Variants in ABTB3 observed in about 807,000 individuals in gnomAD.
ABTB3 encodes ankyrin repeat- and BTB/POZ domain-containing protein 3.
chr12:107,470,014 C>CTCTCTCTCTCTCTCTCTCTTTCTT, the ABTB3 span, among the ~76,000 whole-genome samples: 7 of 65,480 alleles, frequency 1.1e-4, 1 homozygote, highest in African/African-American at 5.2e-4. Context: ...CTTTCTTTCT[C>CTCTCTCTCTCTCTCTCTCTTTCTT]TCTCTCTCTC....
the ABTB3 span, among the ~76,000 whole-genome samples, chr12:107,490,171 A>G: frequency 0.38 from 57,821 of 151,952 alleles, 13,393 homozygotes; most frequent in African/African-American, 0.66. Flanking sequence ...ATGAATGTGC[A>G]CTGGCTGTTG....
chr12:107,318,983 G>T, the ABTB3 span: 1 of 1,613,808 alleles, frequency 6.2e-7, no homozygotes. Flanking sequence ...AACGCTGGAG[G>T]ATCTGACGCT....
the ABTB3 span, among the ~76,000 whole-genome samples, chr12:107,573,476 GGATGGA>G: frequency 6.6e-6 from 1 of 151,856 alleles, no homozygotes; most frequent in Non-Finnish European, 1.5e-5. Flanking sequence ...ATGGATGGAT[GGATGGA>G]TGGATGGATG....
chr12:107,534,200 AC>A, the ABTB3 span, among the ~76,000 whole-genome samples: 1 of 142,082 alleles, frequency 7.0e-6, no homozygotes, highest in African/African-American at 2.7e-5. Flanking sequence ...ACATAGCAAT[AC>A]CCTGTCTCTT....
At chr12:107,497,081 G>C in the ABTB3 span, among the ~76,000 whole-genome samples, 1 of 152,048 alleles carries the variant, frequency 6.6e-6, no homozygotes, top group Non-Finnish European at 1.5e-5. Flanking sequence ...CAAGTACTTT[G>C]AACAGTGCCT....
the ABTB3 span, among the ~76,000 whole-genome samples, chr12:107,538,009 C>G: frequency 6.6e-6 from 1 of 152,106 alleles, no homozygotes; most frequent in Admixed American, 6.5e-5. Flanking sequence ...GTCTCCAGGC[C>G]TTTCCAAAGC....
At chr12:107,355,662 T>TTA in the ABTB3 span, among the ~76,000 whole-genome samples, 4 of 152,182 alleles carry the variant, frequency 2.6e-5, no homozygotes, top group Non-Finnish European at 4.4e-5. Context: ...AACAGGTTTA[T>TTA]TATATATATC....
chr12:107,522,226 A>G, the ABTB3 span, among the ~76,000 whole-genome samples: 1 of 152,104 alleles, frequency 6.6e-6, no homozygotes, highest in African/African-American at 2.4e-5. Flanking sequence ...AAATACTGTC[A>G]CATTGAGGGG....
the ABTB3 span, among the ~76,000 whole-genome samples, chr12:107,569,308 G>A: frequency 3.3e-5 from 5 of 152,122 alleles, no homozygotes; most frequent in African/African-American, 7.2e-5. Context: ...AGTTTAAAAT[G>A]TTCACTTGCA....
At chr12:107,335,424 C>T in the ABTB3 span, among the ~76,000 whole-genome samples, 1,711 of 149,492 alleles carry the variant, frequency 0.011, 19 homozygotes, top group Middle Eastern at 0.043. Context: ...AAAATGCCCT[C>T]AGTATATCAT....
chr12:107,348,571 A>T, the ABTB3 span, among the ~76,000 whole-genome samples: 1 of 152,142 alleles, frequency 6.6e-6, no homozygotes, highest in East Asian at 1.9e-4. Flanking sequence ...AAGAAAATTA[A>T]AAAATTATGC....
the ABTB3 span, among the ~76,000 whole-genome samples, chr12:107,522,959 T>A: frequency 6.6e-6 from 1 of 151,964 alleles, no homozygotes; most frequent in African/African-American, 2.4e-5. Context: ...TGAGTCTGAC[T>A]AACCAGAGGA....
the ABTB3 span, among the ~76,000 whole-genome samples, chr12:107,586,819 T>A: frequency 6.6e-6 from 1 of 152,086 alleles, no homozygotes; most frequent in African/African-American, 2.4e-5. Context: ...GGCAGAGAGA[T>A]CCACACGTAA....
chr12:107,527,607 C>A, the ABTB3 span, among the ~76,000 whole-genome samples: 2 of 151,660 alleles, frequency 1.3e-5, no homozygotes, highest in Non-Finnish European at 2.9e-5. Flanking sequence ...CATCACTGAA[C>A]CTCCAGTGCC....
the ABTB3 span, among the ~76,000 whole-genome samples, chr12:107,422,810 G>C: frequency 6.6e-6 from 1 of 152,196 alleles, no homozygotes; most frequent in Non-Finnish European, 1.5e-5. Flanking sequence ...AGCCATAGAT[G>C]AGTTTCAGGC....
chr12:107,642,872 T>A, the ABTB3 span, among the ~76,000 whole-genome samples: 3 of 152,140 alleles, frequency 2.0e-5, no homozygotes, highest in Admixed American at 2.0e-4. Context: ...ATGTGGTTTT[T>A]CTGAGGAGCA....
At chr12:107,645,409 G>A in the ABTB3 span, among the ~76,000 whole-genome samples, 5 of 152,140 alleles carry the variant, frequency 3.3e-5, no homozygotes, top group Non-Finnish European at 5.9e-5. Context: ...TACAGACAAG[G>A]GCATGCATTC....
the ABTB3 span, among the ~76,000 whole-genome samples, chr12:107,510,746 C>T: frequency 1.3e-5 from 2 of 151,916 alleles, no homozygotes; most frequent in East Asian, 3.9e-4. Context: ...CATGGCAAAA[C>T]CCCCTCTCTA....
At chr12:107,628,335 G>T in the ABTB3 span, among the ~76,000 whole-genome samples, 1 of 152,146 alleles carries the variant, frequency 6.6e-6, no homozygotes, top group African/African-American at 2.4e-5. Context: ...TAGAGACAGG[G>T]TTTTACCATG....
Sources: gnomAD v4.1 joint callset for allele counts (sites outside exome capture counted in the v4.1 genomes callset) on GRCh38, gnomAD v4.1.1 for gene constraint, MANE v1.5 for transcripts, NCBI Gene and HGNC (gene_info 2026-07-23, HGNC 2026-07-21) for gene names.